PDCD2L: variants seen among roughly 807,000 people sequenced by gnomAD.
PDCD2L encodes the protein programmed cell death 2 like.
In PDCD2L, 44 loss-of-function variants were observed where a neutral mutation model predicts 40.4. That is an observed-to-expected ratio of 1.09 (90% CI 0.86 to 1.40). PDCD2L has a LOEUF of 1.40. Ranked by LOEUF, PDCD2L falls within the 40% of genes most tolerant of loss-of-function variation. PDCD2L has a pLI of 0.00. For missense variants in PDCD2L, 470 were observed against 453.7 expected, an observed-to-expected ratio of 1.04 and a Z score of -0.33; for synonymous variants, 194 against 174.6, an observed-to-expected ratio of 1.11 and a Z score of -0.88.
In PDCD2L at chr19:34,404,486, G is replaced by A; in HGVS notation, c.56G>A (p.Gly19Asp). ...GGCCTTCGAGATGCGCCGGTGCACGGCAGCCCCACAGGGCCGGGTGCCTGG... is the reference window on the plus strand; with the variant it reads ...GGCCTTCGAGATGCGCCGGTGCACGACAGCCCCACAGGGCCGGGTGCCTGG... ...LLGLRDAPVH[G>D]SPTGPGAWTA... The change falls in exon 1 of 7, where the codon GGC becomes GAC. Residue 19 changes from glycine to aspartate, a missense_variant. Gly to Asp is a moderately conservative substitution (Grantham distance 94). Transcript: ENST00000246535. 1.3e-6 allele frequency: 2 copies of A among 1,543,736 alleles called. No homozygotes were observed. The highest frequency in any genetic ancestry group is 1.2e-5 in the South Asian group (1 of 83,992).
chr19:34,423,491 C>CTTTTT (rs547306985), intron 6 of PDCD2L, among the ~76,000 whole-genome samples: 2 of 113,084 alleles, frequency 1.8e-5, no homozygotes, highest in Non-Finnish European at 3.7e-5. Flanking sequence ...GACCCAGTAT[C>CTTTTT]TTTTTTTTTT....
chr19:34,410,259 C>T (rs1007094597), intron 4 of PDCD2L, among the ~76,000 whole-genome samples: 3 of 152,092 alleles, frequency 2.0e-5, no homozygotes, highest in Admixed American at 6.6e-5. Context: ...CCATGTCTGA[C>T]CAATTAAAAT....
intron 6 of PDCD2L, among the ~76,000 whole-genome samples, chr19:34,423,534 G>T (rs534347099): frequency 9.4e-6 from 1 of 106,848 alleles, no homozygotes; most frequent in South Asian, 3.2e-4. Flanking sequence ...TCACTCTGTC[G>T]CCCAGCCTGG....
chr19:34,418,413 T>G (rs906239526), intron 5 of PDCD2L, among the ~76,000 whole-genome samples: 2 of 152,216 alleles, frequency 1.3e-5, no homozygotes, highest in Admixed American at 6.5e-5. Flanking sequence ...TGGTCTGGTT[T>G]TATTCACTTA....
intron 5 of PDCD2L, among the ~76,000 whole-genome samples, chr19:34,417,648 T>A (rs929941611): frequency 2.6e-5 from 4 of 151,566 alleles, no homozygotes; most frequent in African/African-American, 7.3e-5. Flanking sequence ...CATAATAGAC[T>A]TGGCTAAAGA....
At chr19:34,418,142 A>G (rs570073191) in intron 5 of PDCD2L, among the ~76,000 whole-genome samples, 1 of 152,346 alleles carries the variant, frequency 6.6e-6, no homozygotes, top group South Asian at 2.1e-4. Context: ...GATACAATTG[A>G]CATACAACAG....
intron 6 of PDCD2L, among the ~76,000 whole-genome samples, chr19:34,422,865 G>A (rs527335309): frequency 1.6e-4 from 25 of 151,822 alleles, no homozygotes; most frequent in Middle Eastern, 6.8e-3. Flanking sequence ...ACAGGCGCCC[G>A]CAACCAAGCC....
intron 5 of PDCD2L, among the ~76,000 whole-genome samples, chr19:34,414,227 G>A (rs938826480): frequency 2.6e-5 from 4 of 151,728 alleles, no homozygotes; most frequent in African/African-American, 9.7e-5. Flanking sequence ...CCAGGCTGGA[G>A]TGTAGTGGCG....
rs755667566 is a variant in PDCD2L, at chr19:34,404,670, G to T, written c.130G>T (p.Ala44Ser). The T allele has an allele frequency of 1.9e-6, 3 of 1,611,588 alleles. No individual in the cohort carries two copies. The highest frequency in any genetic ancestry group is 2.5e-6 in the Non-Finnish European group (3 of 1,179,720). ...TCAGGATGCTCTGCCCACCGTGGCT[G>T]CGCCCAGGCCCGTGTGTCAGCGCTG... is the stretch of plus-strand genomic sequence containing the variant. ...GIPDALPTVA[A>S]PRPVCQRCGQ... is the part of the protein sequence containing the mutation. Residue 44 changes from alanine (A) to serine (S), a missense_variant, in exon 2 of 7, where the codon GCG becomes TCG. Coordinates refer to ENST00000246535, the MANE Select transcript of PDCD2L (RefSeq NM_032346.2).
intron 5 of PDCD2L, among the ~76,000 whole-genome samples, chr19:34,417,569 T>C (rs1384738072): frequency 6.6e-6 from 1 of 150,812 alleles, no homozygotes; most frequent in Non-Finnish European, 1.5e-5. Flanking sequence ...GACTGCGCCA[T>C]TGCACTCCAG....
chr19:34,405,897 AAAAAC>A lies in PDCD2L; in HGVS notation c.336+927_336+931del, dbSNP rs559359171. ...CTCCAGCGTGGGTGACAGACTCCGT[AAAAAC>A]AAAACAAAACAAAACAAAAGAAAAA... On this transcript the variant is annotated intron_variant, in intron 3 of 6. Coordinates refer to ENST00000246535, the MANE Select transcript of PDCD2L (RefSeq NM_032346.2). 1.7e-3 allele frequency among the ~76,000 whole-genome samples: 259 copies of A among 152,132 alleles called. 1 individual carries two copies. Among genetic ancestry groups the A allele is most frequent in the African/African-American group, 4.9e-3 (204 of 41,484 alleles).
Position 34,413,775 on chromosome 19 carries a change from T to G in PDCD2L, c.725T>G (p.Ile242Arg). The G allele has an allele frequency of 6.2e-7, 1 of 1,606,032 alleles. No homozygotes were observed. The highest frequency in any genetic ancestry group is 8.5e-7 in the Non-Finnish European group (1 of 1,174,590). Residue 242 changes from isoleucine (I) to arginine (R), a missense_variant, in exon 5 of 7, where the codon ATA becomes AGA. Ile to Arg is a moderately conservative substitution (Grantham distance 97). Transcript: ENST00000246535. Reference protein sequence around the residue: ...NDGDEKYEKTIIKSGDQTFYK... With the variant: ...NDGDEKYEKTRIKSGDQTFYK... Reference sequence around the variant, plus strand: ...GGTGATGAAAAATATGAGAAGACCATAATTAAAAGTGGAGATCAGACGTTT... The same window carrying G: ...GGTGATGAAAAATATGAGAAGACCAGAATTAAAAGTGGAGATCAGACGTTT...
intron 3 of PDCD2L, among the ~76,000 whole-genome samples, chr19:34,406,806 C>T (rs138423479): frequency 4.6e-5 from 7 of 150,904 alleles, no homozygotes; most frequent in African/African-American, 9.7e-5. Context: ...TTATTCTTCC[C>T]GCTCCAGGTT....
intron 3 of PDCD2L, 93 bp from the exon 4 acceptor site, chr19:34,409,068 C>T: frequency 2.6e-6 from 3 of 1,173,070 alleles, no homozygotes; most frequent in Non-Finnish European, 3.7e-6. Flanking sequence ...TGAAGGCTCC[C>T]TCTGGAAGGC....
intron 3 of PDCD2L, among the ~76,000 whole-genome samples, chr19:34,407,241 G>T (rs951001413): frequency 6.6e-6 from 1 of 151,804 alleles, no homozygotes; most frequent in Non-Finnish European, 1.5e-5. Context: ...TCCCAGGTTC[G>T]AGCAATTCTC....
intron 5 of PDCD2L, among the ~76,000 whole-genome samples, chr19:34,417,284 C>T (rs1203269926): frequency 6.6e-6 from 1 of 152,076 alleles, no homozygotes; most frequent in Admixed American, 6.6e-5. Flanking sequence ...AAACCAAGCC[C>T]CATGACATTA....
At chr19:34,422,399 A>C (rs966095155) in intron 6 of PDCD2L, 2 of 151,928 alleles carry the variant, frequency 1.3e-5, no homozygotes, top group Non-Finnish European at 2.9e-5. Context: ...AGGTTGCGTC[A>C]TGTTGCCCAG....
rs1394503743 is a variant in PDCD2L at position 34,426,158 on chromosome 19, T to G, written c.*38T>G. On this transcript the variant is annotated 3_prime_UTR_variant, in exon 7 of 7. Coordinates refer to ENST00000246535, the MANE Select transcript of PDCD2L (RefSeq NM_032346.2). The stretch of plus-strand genomic sequence containing the variant: ...TATTAATATAAATTAAAACAAATGT[T>G]TACATCCAAATATGTTTGTATGTAC... The G allele has an allele frequency of 1.4e-6, 2 of 1,443,594 alleles. No homozygotes were observed. Among genetic ancestry groups the G allele is most frequent in the South Asian group, 2.4e-5 (2 of 83,456 alleles). 89.4% of individuals were successfully genotyped at this position (1,443,594 alleles called of 1,614,324 possible).
intron 6 of PDCD2L, 147 bp from the exon 7 acceptor site, chr19:34,425,843 C>T: frequency 5.8e-6 from 4 of 685,912 alleles, no homozygotes; most frequent in Middle Eastern, 5.9e-4. Flanking sequence ...ATAGGATAGA[C>T]TGTGATTCTG....
Sources: allele counts gnomAD v4.1 joint callset (sites outside exome capture counted in the v4.1 genomes callset), GRCh38; gene constraint gnomAD v4.1.1; transcripts MANE v1.5; gene names NCBI Gene and HGNC (gene_info 2026-07-23, HGNC 2026-07-21).